LIN54: variants seen among roughly 807,000 people sequenced by gnomAD.
The protein encoded by LIN54 is protein lin-54 homolog.
A neutral mutation model predicts 78.7 loss-of-function variants in LIN54; 9 were observed. The ratio of observed to expected loss-of-function variants is 0.11; its 90% CI spans 0.07 to 0.20. The LOEUF is 0.20. LIN54 is among the 10% of genes least tolerant of loss of function. The probability of loss-of-function intolerance (pLI) is 1.00; values close to 1 mark genes in which losing one functional copy is unlikely to be tolerated. For synonymous variants in LIN54, 269 were observed against 318.4 expected, an observed-to-expected ratio of 0.84 and a Z score of 1.65; for missense variants, 573 against 889.9, an observed-to-expected ratio of 0.64 and a Z score of 4.53.
At chr4:82,969,582 G>C (rs1220564557) in intron 4 of LIN54, among the ~76,000 whole-genome samples, 1 of 152,168 alleles carries the variant, frequency 6.6e-6, no homozygotes, top group Non-Finnish European at 1.5e-5. Flanking sequence ...AAAAATGTAA[G>C]GCAAATGTTT....
chr4:82,937,278 G>A lies in LIN54; in HGVS notation c.1553C>T (p.Ala518Val). The A allele has an allele frequency of 6.3e-7, 1 of 1,590,466 alleles. No homozygotes were observed. The highest frequency in any genetic ancestry group is 8.6e-7 in the Non-Finnish European group (1 of 1,158,710). The change falls in exon 9 of 13, where the codon GCC becomes GTC. Residue 518 changes from alanine (A) to valine (V), a missense_variant. Ala to Val is a moderately conservative substitution (Grantham distance 64, BLOSUM62 0). Coordinates refer to ENST00000340417, the MANE Select transcript of LIN54 (RefSeq NM_194282.4). ...PFNGIIPSES[A>V]SRPRKPCNCT... Reference sequence around the variant, plus strand: ...ATTACAGGGCTTTCGGGGCCGACTGGCCGACTCTGATGGGATTATGCTGTA... The same window carrying A: ...ATTACAGGGCTTTCGGGGCCGACTGACCGACTCTGATGGGATTATGCTGTA...
chr4:82,987,362 T>C (rs1230324729), intron 1 of LIN54, among the ~76,000 whole-genome samples: 3 of 152,202 alleles, frequency 2.0e-5, no homozygotes, highest in South Asian at 4.1e-4. Flanking sequence ...AATGTTGCCA[T>C]TGGTGTTTTA....
chr4:82,985,452 G>A (rs942188105), intron 1 of LIN54, among the ~76,000 whole-genome samples: 4 of 152,122 alleles, frequency 2.6e-5, no homozygotes, highest in African/African-American at 9.7e-5. Flanking sequence ...TAGCATTTGT[G>A]GTACAACTTT....
At chr4:82,969,011 C>T (rs190806737) in intron 4 of LIN54, among the ~76,000 whole-genome samples, 15 of 152,118 alleles carry the variant, frequency 9.9e-5, no homozygotes, top group African/African-American at 3.4e-4. Context: ...CAGATAAGGG[C>T]GAGAATCACT....
At chr4:83,006,814 T>C (rs1729422076) in intron 1 of LIN54, among the ~76,000 whole-genome samples, 1 of 152,172 alleles carries the variant, frequency 6.6e-6, no homozygotes. Flanking sequence ...AATTTCACAA[T>C]GTATTTCAAA....
At chr4:83,005,380 G>T (rs1476122582) in intron 1 of LIN54, among the ~76,000 whole-genome samples, 1 of 152,130 alleles carries the variant, frequency 6.6e-6, no homozygotes, top group East Asian at 1.9e-4. Flanking sequence ...GCTCACGCCT[G>T]TAATCCCAAC....
chr4:82,935,827 G>T (rs1006814003), intron 11 of LIN54, among the ~76,000 whole-genome samples, 154 bp downstream of exon 11: 1 of 152,112 alleles, frequency 6.6e-6, no homozygotes, highest in African/African-American at 2.4e-5. Context: ...ACAGAGGCTC[G>T]AAGGCCTTCC....
intron 5 of LIN54, among the ~76,000 whole-genome samples, chr4:82,944,317 G>A (rs1029513656): frequency 3.3e-5 from 5 of 152,058 alleles, no homozygotes; most frequent in Middle Eastern, 3.4e-3. Context: ...ACTATTATAC[G>A]CATACAAACA....
intron 1 of LIN54, among the ~76,000 whole-genome samples, chr4:83,001,552 A>G (rs1446333611): frequency 2.6e-5 from 4 of 151,618 alleles, no homozygotes; most frequent in African/African-American, 9.7e-5. Flanking sequence ...TGTCAAAAAG[A>G]AAAGAAAAAG....
At chr4:82,983,313 G>A (rs1024458862) in intron 2 of LIN54, among the ~76,000 whole-genome samples, 7 of 151,892 alleles carry the variant, frequency 4.6e-5, no homozygotes, top group South Asian at 2.1e-4. Context: ...ACGCCCCGCC[G>A]ATCACTGCAT....
chr4:82,975,876 G>T (rs186370508), intron 3 of LIN54, among the ~76,000 whole-genome samples: 1 of 152,200 alleles, frequency 6.6e-6, no homozygotes, highest in Admixed American at 6.5e-5. Context: ...TTTAAGATAA[G>T]TACTTGGTAA....
intron 5 of LIN54, among the ~76,000 whole-genome samples, chr4:82,941,602 A>G (rs1006958103): frequency 2.0e-5 from 3 of 152,290 alleles, no homozygotes; most frequent in African/African-American, 7.2e-5. Flanking sequence ...GTTGCAAGAG[A>G]CAAGTCAGAA....
chr4:82,979,189 T>C (rs555561594), intron 2 of LIN54, among the ~76,000 whole-genome samples, 183 bp from the exon 3 acceptor site: 1 of 152,304 alleles, frequency 6.6e-6, no homozygotes, highest in Admixed American at 6.5e-5. Flanking sequence ...AATATTATTA[T>C]ATCCTTAATC....
At chr4:82,970,288 C>G in intron 4 of LIN54, 39 bp downstream of exon 4, 1 of 1,584,256 alleles carries the variant, frequency 6.3e-7, no homozygotes, top group Non-Finnish European at 8.6e-7. Flanking sequence ...AAGGCATCAA[C>G]CACAATATTT....
intron 2 of LIN54, among the ~76,000 whole-genome samples, chr4:82,983,708 G>A (rs767600753): frequency 3.3e-5 from 5 of 151,864 alleles, no homozygotes; most frequent in Non-Finnish European, 5.9e-5. Context: ...AAAGGCACAC[G>A]CTGGCTGACA....
chr4:82,941,792 G>A (rs1476324292), intron 5 of LIN54, among the ~76,000 whole-genome samples: 5 of 152,194 alleles, frequency 3.3e-5, no homozygotes, highest in Non-Finnish European at 1.5e-5. Context: ...GAGCTTTCAA[G>A]TGACCAGGAA....
At chr4:82,979,553 GA>G (rs1726449970) in intron 2 of LIN54, among the ~76,000 whole-genome samples, 1 of 152,068 alleles carries the variant, frequency 6.6e-6, no homozygotes, top group South Asian at 2.1e-4. Flanking sequence ...GTACAAAAGA[GA>G]AAAATTTGGT....
chr4:82,984,859 T>C lies in LIN54; in HGVS notation c.-15A>G, dbSNP rs1265596590. 1.9e-6 allele frequency: 3 copies of C among 1,592,334 alleles called. No individual in the cohort carries two copies. On this transcript the variant is annotated 5_prime_UTR_variant, in exon 2 of 13. Transcript: ENST00000340417. Reference sequence around the variant, plus strand: ...ACCACCTCCATGATCGTTCTCCCGCTAGAAAGTTGATCAGGCACTGTAATA... The same window carrying C: ...ACCACCTCCATGATCGTTCTCCCGCCAGAAAGTTGATCAGGCACTGTAATA...
chr4:82,971,433 C>T (rs1725641540), intron 3 of LIN54, among the ~76,000 whole-genome samples: 1 of 152,080 alleles, frequency 6.6e-6, no homozygotes, highest in Non-Finnish European at 1.5e-5. Flanking sequence ...ATGGCGGCTC[C>T]TTGGTTAGCC....
Sources: allele counts gnomAD v4.1 joint callset (sites outside exome capture counted in the v4.1 genomes callset), GRCh38; gene constraint gnomAD v4.1.1; transcripts MANE v1.5; gene names NCBI Gene and HGNC (gene_info 2026-07-23, HGNC 2026-07-21).